Variants in GALNT13 observed in about 807,000 individuals in gnomAD.
GALNT13 encodes the protein polypeptide N-acetylgalactosaminyltransferase 13.
Under a neutral mutation model 64.2 loss-of-function variants are expected in GALNT13, and 28 were observed. The observed-to-expected ratio is 0.44, with a 90% CI of 0.32 to 0.60. The LOEUF is 0.60. GALNT13 is among the 20% of genes least tolerant of loss of function. The probability of loss-of-function intolerance (pLI) is 0.05; values close to 1 mark genes in which losing one functional copy is unlikely to be tolerated. For synonymous variants in GALNT13, 214 were observed against 224.6 expected (o/e 0.95, Z 0.42); for missense variants, 577 against 669.8 (o/e 0.86, Z 1.53).
At chr2:154,142,549 C>CA (rs71396392) in intron 4 of GALNT13, among the ~76,000 whole-genome samples, 17,564 of 66,274 alleles carry the variant, frequency 0.27, 1,948 homozygotes, top group Non-Finnish European at 0.3. Flanking sequence ...AACTCTGTCT[C>CA]AAAAAAAAAA....
At chr2:153,588,177 G>T in the GALNT13 span, among the ~76,000 whole-genome samples, 4 of 152,166 alleles carry the variant, frequency 2.6e-5, no homozygotes, top group Non-Finnish European at 4.4e-5. Context: ...AGTGTCTGTG[G>T]TTTTTCCAGG....
chr2:154,009,873 C>T (rs1202191047), intron 3 of GALNT13, among the ~76,000 whole-genome samples: 9 of 152,078 alleles, frequency 5.9e-5, no homozygotes, highest in Non-Finnish European at 1.3e-4. Context: ...AAATCTTTCA[C>T]CTCCCTGGTT....
the GALNT13 span, among the ~76,000 whole-genome samples, chr2:153,271,620 C>A: frequency 2.0e-5 from 3 of 152,136 alleles, no homozygotes; most frequent in Non-Finnish European, 4.4e-5. Context: ...TAGGAGACAA[C>A]ACAAACAAAT....
At chr2:153,345,102 A>C in the GALNT13 span, among the ~76,000 whole-genome samples, 1 of 152,192 alleles carries the variant, frequency 6.6e-6, no homozygotes, top group Non-Finnish European at 1.5e-5. Flanking sequence ...TATTACGTTT[A>C]TTCTTCTTTA....
the GALNT13 span, among the ~76,000 whole-genome samples, chr2:153,834,151 T>A: frequency 1.1e-4 from 17 of 152,122 alleles, no homozygotes; most frequent in African/African-American, 4.1e-4. Context: ...GTTAGGCGGG[T>A]ATATTTTCTG....
chr2:153,908,513 T>C (rs1430800099), intron 2 of GALNT13, among the ~76,000 whole-genome samples: 1 of 152,168 alleles, frequency 6.6e-6, no homozygotes, highest in Non-Finnish European at 1.5e-5. Flanking sequence ...CCAGAGTTTT[T>C]ATAGTTTTGG....
chr2:153,603,064 G>T, the GALNT13 span, among the ~76,000 whole-genome samples: 3 of 151,678 alleles, frequency 2.0e-5, no homozygotes, highest in African/African-American at 7.3e-5. Context: ...CTATTCCACC[G>T]TATTCCATAT....
intron 9 of GALNT13, among the ~76,000 whole-genome samples, chr2:154,388,263 G>A (rs1384672355): frequency 1.3e-5 from 2 of 152,054 alleles, no homozygotes; most frequent in Admixed American, 1.3e-4. Flanking sequence ...TTAATCAGGT[G>A]TTCTCTTGTT....
At chr2:153,710,477 A>T in the GALNT13 span, among the ~76,000 whole-genome samples, 146 of 152,248 alleles carry the variant, frequency 9.6e-4, no homozygotes, top group African/African-American at 3.4e-3. Flanking sequence ...AATAAGTCCC[A>T]AGAGTTCAGA....
intron 3 of GALNT13, among the ~76,000 whole-genome samples, chr2:154,017,887 G>A (rs1264424487): frequency 1.3e-5 from 2 of 152,136 alleles, no homozygotes; most frequent in South Asian, 2.1e-4. Context: ...GTTGTGACAT[G>A]TATTGTCTTT....
chr2:154,379,209 TATG>T (rs1698147542), intron 9 of GALNT13, among the ~76,000 whole-genome samples: 1 of 152,160 alleles, frequency 6.6e-6, no homozygotes, highest in African/African-American at 2.4e-5. Context: ...TGTATTTTCA[TATG>T]ATAATAAAGA....
chr2:153,861,282 T>C, the GALNT13 span, among the ~76,000 whole-genome samples: 10 of 152,296 alleles, frequency 6.6e-5, no homozygotes, highest in East Asian at 1.9e-3. Flanking sequence ...ACGAAATAAC[T>C]ACTTCTCAGA....
chr2:154,090,840 A>G (rs1164486293), intron 3 of GALNT13, among the ~76,000 whole-genome samples: 1 of 152,076 alleles, frequency 6.6e-6, no homozygotes, highest in Non-Finnish European at 1.5e-5. Context: ...ACAACATTTA[A>G]AAAACCGAAT....
At chr2:154,016,460 C>A (rs916710085) in intron 3 of GALNT13, among the ~76,000 whole-genome samples, 1 of 152,176 alleles carries the variant, frequency 6.6e-6, no homozygotes, top group Non-Finnish European at 1.5e-5. Context: ...CTCTGTCACC[C>A]AGGCTGGAGT....
chr2:154,371,595 C>A lies in GALNT13; in HGVS notation c.1157-24396C>A, dbSNP rs76624606. Reference sequence around the variant, plus strand: ...AGGAAACAATAGCAAAAGGAAATTTCTTGAGGAGGGCAGAGGGGACAGAAA... The same window carrying A: ...AGGAAACAATAGCAAAAGGAAATTTATTGAGGAGGGCAGAGGGGACAGAAA... On this transcript the variant is annotated intron_variant, in intron 9 of 12. Transcript: ENST00000392825. Among the ~76,000 whole-genome samples, 382 of 152,058 alleles carry A rather than the reference C, an allele frequency of 2.5e-3. 4 individuals carry two copies. Among genetic ancestry groups the A allele is most frequent in the African/African-American group, 8.6e-3 (359 of 41,512 alleles).
chr2:153,905,850 G>A (rs543366437), intron 2 of GALNT13, among the ~76,000 whole-genome samples: 67 of 151,894 alleles, frequency 4.4e-4, no homozygotes, highest in Admixed American at 7.9e-4. Context: ...GTAATATAAC[G>A]GTGACTTGAA....
the GALNT13 span, among the ~76,000 whole-genome samples, chr2:153,533,723 C>CTTTTTTGTTTTTTTTTTTTTTTTTTTT: frequency 2.1e-5 from 1 of 48,732 alleles, no homozygotes; most frequent in African/African-American, 8.6e-5. Context: ...TGAGGTTTTT[C>CTTTTTTGTTTTTTTTTTTTTTTTTTTT]TTTTTTTTTT....
chr2:153,320,060 G>A, the GALNT13 span, among the ~76,000 whole-genome samples: 1 of 152,124 alleles, frequency 6.6e-6, no homozygotes, highest in African/African-American at 2.4e-5. Context: ...ACATATAACT[G>A]GGTTGCACTC....
the GALNT13 span, among the ~76,000 whole-genome samples, chr2:153,760,034 C>T: frequency 1.4e-4 from 22 of 152,018 alleles, no homozygotes; most frequent in East Asian, 3.9e-4. Context: ...TATGTATCTA[C>T]GAATTTATCC....
Sources: allele counts gnomAD v4.1 joint callset (sites outside exome capture counted in the v4.1 genomes callset), GRCh38; gene constraint gnomAD v4.1.1; transcripts MANE v1.5; gene names NCBI Gene and HGNC (gene_info 2026-07-23, HGNC 2026-07-21).